Variants in ZNF536 observed in about 807,000 individuals in gnomAD.
ZNF536 encodes zinc finger protein 536.
In ZNF536, 13 loss-of-function variants were observed where a neutral mutation model predicts 84.5. The ratio of observed to expected loss-of-function variants is 0.15; its 90% CI spans 0.10 to 0.24. The LOEUF is 0.24. Among genes scored for constraint, ZNF536 ranks in the 10% least tolerant of loss-of-function variants. The pLI, the probability that ZNF536 is intolerant of heterozygous loss-of-function variation, is 1.00. For missense variants in ZNF536, 1,536 were observed against 1,747.5 expected, an observed-to-expected ratio of 0.88 and a Z score of 2.16; for synonymous variants, 811 against 742.5, an observed-to-expected ratio of 1.09 and a Z score of -1.50.
At chr19:30,378,045 T>C (rs2048884034) in intron 1 of ZNF536, among the ~76,000 whole-genome samples, 1 of 152,216 alleles carries the variant, frequency 6.6e-6, no homozygotes, top group African/African-American at 2.4e-5. Flanking sequence ...GCCTTGCTGA[T>C]GGTCTCAACA....
chr19:30,598,827 G>C (rs1319523152), intron 1 of ZNF536, among the ~76,000 whole-genome samples: 2 of 151,912 alleles, frequency 1.3e-5, no homozygotes, highest in African/African-American at 2.4e-5. Context: ...TCAATTTCTT[G>C]GGAAAAATTT....
chr19:30,281,582 G>A (rs898199929), intron 1 of ZNF536, among the ~76,000 whole-genome samples: 1 of 144,168 alleles, frequency 6.9e-6, no homozygotes, highest in East Asian at 1.9e-4. Context: ...ACAGGTGCTG[G>A]GAAGGGAGTC....
chr19:30,481,224 A>G (rs2054073042), intron 2 of ZNF536, among the ~76,000 whole-genome samples: 2 of 152,282 alleles, frequency 1.3e-5, no homozygotes, highest in African/African-American at 2.4e-5. Context: ...TTCACTTAAC[A>G]CATCTATGCA....
intron 1 of ZNF536, among the ~76,000 whole-genome samples, chr19:30,240,348 G>C (rs2023850994): frequency 6.6e-6 from 1 of 151,546 alleles, no homozygotes; most frequent in South Asian, 2.1e-4. Flanking sequence ...ACTCCAGCCT[G>C]GGTGACAGAG....
At chr19:30,637,714 C>A (rs753224771) in intron 1 of ZNF536, among the ~76,000 whole-genome samples, 1 of 152,198 alleles carries the variant, frequency 6.6e-6, no homozygotes, top group Non-Finnish European at 1.5e-5. Flanking sequence ...GAGCATCACC[C>A]CTTTTTTCTC....
At chr19:30,418,058 T>C (rs2050806250) in intron 1 of ZNF536, among the ~76,000 whole-genome samples, 1 of 152,172 alleles carries the variant, frequency 6.6e-6, no homozygotes, top group African/African-American at 2.4e-5. Flanking sequence ...TTGGGTTGTT[T>C]TGATATAAGT....
At chr19:30,465,028 A>T (rs2053323427) in intron 2 of ZNF536, among the ~76,000 whole-genome samples, 1 of 152,152 alleles carries the variant, frequency 6.6e-6, no homozygotes, top group Admixed American at 6.5e-5. Context: ...CCCAGGCAAC[A>T]GAGTGGTCAT....
intron 1 of ZNF536, among the ~76,000 whole-genome samples, chr19:30,678,752 T>G: frequency 8.6e-6 from 1 of 116,878 alleles, no homozygotes. Flanking sequence ...CACACACCTA[T>G]ACCCTTACTG....
chr19:30,636,219 T>A (rs2049059454), intron 1 of ZNF536, among the ~76,000 whole-genome samples: 1 of 152,176 alleles, frequency 6.6e-6, no homozygotes, highest in Non-Finnish European at 1.5e-5. Flanking sequence ...CACCAGCATT[T>A]TAATGATGAG....
intron 1 of ZNF536, among the ~76,000 whole-genome samples, chr19:30,409,852 G>A (rs977675894): frequency 1.1e-4 from 17 of 152,058 alleles, no homozygotes; most frequent in African/African-American, 4.1e-4. Context: ...TATATTTTAT[G>A]TAGATATCTC....
intron 1 of ZNF536, among the ~76,000 whole-genome samples, chr19:30,700,878 G>A (rs565402343): frequency 3.3e-5 from 5 of 152,282 alleles, no homozygotes; most frequent in South Asian, 2.1e-4. Context: ...GAGTTCAGGC[G>A]GCGCTGGTTG....
At chr19:30,702,235 T>C (rs567603938) in intron 1 of ZNF536, among the ~76,000 whole-genome samples, 21 of 152,372 alleles carry the variant, frequency 1.4e-4, no homozygotes, top group Admixed American at 7.8e-4. Context: ...TTATAAACAA[T>C]GTACGACTTG....
intron 2 of ZNF536, among the ~76,000 whole-genome samples, chr19:30,482,147 G>GTT (rs1408065361): frequency 6.6e-6 from 1 of 152,132 alleles, no homozygotes; most frequent in Non-Finnish European, 1.5e-5. Context: ...GTGTGTGTGT[G>GTT]TATTGTGTGT....
intron 2 of ZNF536, among the ~76,000 whole-genome samples, chr19:30,338,276 G>A (rs2047448617): frequency 6.6e-6 from 1 of 151,620 alleles, no homozygotes; most frequent in African/African-American, 2.4e-5. Flanking sequence ...TGATGATGAT[G>A]GTGATGACAA....
At chr19:30,372,830 C>CG (rs1038885923) in intron 1 of ZNF536, among the ~76,000 whole-genome samples, 2 of 19,100 alleles carry the variant, frequency 1.0e-4, no homozygotes, top group Non-Finnish European at 1.3e-3. Context: ...CCATCACCCG[C>CG]CCCCCCCATC....
chr19:30,315,181 G>A (rs2046637938), intron 2 of ZNF536, among the ~76,000 whole-genome samples: 1 of 152,214 alleles, frequency 6.6e-6, no homozygotes, highest in African/African-American at 2.4e-5. Context: ...CATAATAGGT[G>A]CTCAACAAAT....
chr19:30,537,480 C>T (rs981955586), intron 3 of ZNF536, among the ~76,000 whole-genome samples: 3 of 152,184 alleles, frequency 2.0e-5, no homozygotes, highest in Admixed American at 1.3e-4. Flanking sequence ...TGGTAACTCT[C>T]CATGGGTAAC....
At chr19:30,453,445 T>C (rs1437117247) in intron 2 of ZNF536, among the ~76,000 whole-genome samples, 1 of 152,228 alleles carries the variant, frequency 6.6e-6, no homozygotes, top group Non-Finnish European at 1.5e-5. Context: ...TCTCTTCACC[T>C]AAGTCCTTGT....
intron 2 of ZNF536, among the ~76,000 whole-genome samples, chr19:30,299,313 G>A (rs867116425): frequency 1.8e-4 from 28 of 151,920 alleles, no homozygotes; most frequent in South Asian, 2.1e-4. Context: ...AGAAATCTGG[G>A]GCCTTTATGA....
Sources: allele counts gnomAD v4.1 joint callset (sites outside exome capture counted in the v4.1 genomes callset), GRCh38; gene constraint gnomAD v4.1.1; transcripts MANE v1.5; gene names NCBI Gene and HGNC (gene_info 2026-07-23, HGNC 2026-07-21).